Variants in SH3GL2 observed in about 807,000 individuals in gnomAD.
SH3GL2 encodes endophilin-A1.
A neutral mutation model predicts 46.0 loss-of-function variants in SH3GL2; 24 were observed. The observed-to-expected ratio is 0.52, with a 90% CI of 0.38 to 0.73. The LOEUF (loss-of-function observed/expected upper bound fraction) is 0.73, where lower values mean the gene tolerates loss of function less well. Ranked by LOEUF, SH3GL2 falls within the 30% of genes least tolerant of loss-of-function variation. SH3GL2 has a pLI of 0.00. For missense variants in SH3GL2, 413 were observed against 424.2 expected, an observed-to-expected ratio of 0.97 and a Z score of 0.23; for synonymous variants, 196 against 147.1, an observed-to-expected ratio of 1.33 and a Z score of -2.40.
At chr9:17,700,043 T>A (rs552646868) in intron 1 of SH3GL2, among the ~76,000 whole-genome samples, 1 of 144,952 alleles carries the variant, frequency 6.9e-6, no homozygotes, top group East Asian at 2.4e-4. Context: ...TTGCTGATGA[T>A]CTCTGTGCAA....
intron 1 of SH3GL2, among the ~76,000 whole-genome samples, chr9:17,735,223 G>T (rs895859586): frequency 1.2e-4 from 18 of 152,102 alleles, no homozygotes; most frequent in Admixed American, 1.2e-3. Flanking sequence ...CTCACTGGCA[G>T]ATGTTGACAT....
At chr9:17,777,033 G>A (rs1420397396) in intron 3 of SH3GL2, among the ~76,000 whole-genome samples, 2 of 152,188 alleles carry the variant, frequency 1.3e-5, no homozygotes, top group African/African-American at 4.8e-5. Flanking sequence ...TGTAGACAGA[G>A]GCAGGGAGAC....
At chr9:17,626,136 A>T (rs1414608728) in intron 1 of SH3GL2, among the ~76,000 whole-genome samples, 1 of 152,188 alleles carries the variant, frequency 6.6e-6, no homozygotes, top group East Asian at 1.9e-4. Context: ...GACACAGCAG[A>T]TGGAGCCTGT....
Position 17,622,986 on chromosome 9 carries a change from G to GTTTCCTTTCCTTTCCTTTCC in SH3GL2, c.45+43737_45+43756dup, listed in dbSNP as rs1210987554. On this transcript the variant is annotated intron_variant, in intron 1 of 8. Coordinates refer to ENST00000380607, the MANE Select transcript of SH3GL2 (RefSeq NM_003026.5). ...CTCCCTTTTCCTTTCGTTTCCTTTC[G>GTTTCCTTTCCTTTCCTTTCC]TTTCCTTTCCTTTCCTTTCCTTTCC... Among the ~76,000 whole-genome samples, 441 of 99,006 alleles carry GTTTCCTTTCCTTTCCTTTCC rather than the reference G, an allele frequency of 4.5e-3. 18 individuals are homozygous for GTTTCCTTTCCTTTCCTTTCC. The highest frequency in any genetic ancestry group is 0.014 in the East Asian group (50 of 3,656). The allele number at this position is 99,006 out of a possible 152,430, so 65.0% of individuals were successfully genotyped here. A position where few individuals can be genotyped will look rare whatever the true frequency, so the allele number is the denominator to read the frequency against.
chr9:17,672,050 A>C (rs940507456), intron 1 of SH3GL2, among the ~76,000 whole-genome samples: 1 of 152,216 alleles, frequency 6.6e-6, no homozygotes, highest in African/African-American at 2.4e-5. Context: ...AGTGTGTTAC[A>C]TGAAACTAAA....
intron 1 of SH3GL2, among the ~76,000 whole-genome samples, chr9:17,673,507 A>G (rs1464177914): frequency 1.3e-5 from 2 of 151,898 alleles, no homozygotes; most frequent in African/African-American, 2.4e-5. Context: ...TCCATCTTCT[A>G]TACGCAACCA....
intron 2 of SH3GL2, among the ~76,000 whole-genome samples, chr9:17,761,164 A>G (rs1011721882): frequency 7.2e-5 from 11 of 152,256 alleles, no homozygotes; most frequent in African/African-American, 2.6e-4. Context: ...TATTCACCTT[A>G]TTTTCACCAG....
At chr9:17,760,774 G>A (rs567508926) in intron 2 of SH3GL2, among the ~76,000 whole-genome samples, 1 of 152,268 alleles carries the variant, frequency 6.6e-6, no homozygotes, top group South Asian at 2.1e-4. Context: ...GAAAGACAGA[G>A]AGCACTGCAG....
At chr9:17,628,565 G>T (rs963451824) in intron 1 of SH3GL2, among the ~76,000 whole-genome samples, 2 of 152,164 alleles carry the variant, frequency 1.3e-5, no homozygotes, top group Non-Finnish European at 2.9e-5. Flanking sequence ...CTTAAGGTAA[G>T]AGAAGTAGAG....
intron 1 of SH3GL2, among the ~76,000 whole-genome samples, chr9:17,588,685 A>G (rs1244679776): frequency 6.6e-6 from 1 of 152,238 alleles, no homozygotes; most frequent in Non-Finnish European, 1.5e-5. Context: ...ATAAGAGCCC[A>G]GTCTAGCCAA....
chr9:17,782,624 C>G (rs550293715), intron 3 of SH3GL2, among the ~76,000 whole-genome samples: 21 of 152,228 alleles, frequency 1.4e-4, no homozygotes, highest in Admixed American at 1.3e-3. Flanking sequence ...CCTATGAGAC[C>G]ACAGAGTGAG....
intron 1 of SH3GL2, among the ~76,000 whole-genome samples, chr9:17,729,178 A>T (rs1392017517): frequency 6.6e-6 from 1 of 152,152 alleles, no homozygotes; most frequent in Admixed American, 6.5e-5. Flanking sequence ...ATGAGCTGGT[A>T]TCTCACTGTG....
At chr9:17,740,471 GTA>G (rs1822493261) in intron 1 of SH3GL2, among the ~76,000 whole-genome samples, 1 of 107,532 alleles carries the variant, frequency 9.3e-6, no homozygotes, top group Non-Finnish European at 1.9e-5. Flanking sequence ...ATCAAGTATT[GTA>G]TTGTATTGTA....
At chr9:17,728,200 C>G (rs1822071986) in intron 1 of SH3GL2, among the ~76,000 whole-genome samples, 1 of 152,128 alleles carries the variant, frequency 6.6e-6, no homozygotes, top group South Asian at 2.1e-4. Flanking sequence ...GAACCTGACT[C>G]TTGTGGTGCT....
intron 3 of SH3GL2, among the ~76,000 whole-genome samples, chr9:17,784,129 T>C (rs1823889931): frequency 6.6e-6 from 1 of 152,166 alleles, no homozygotes; most frequent in South Asian, 2.1e-4. Flanking sequence ...AGTAGGCTTT[T>C]TTTAATCATT....
intron 1 of SH3GL2, among the ~76,000 whole-genome samples, chr9:17,704,599 A>G (rs1449419604): frequency 1.3e-5 from 2 of 152,148 alleles, no homozygotes; most frequent in African/African-American, 2.4e-5. Flanking sequence ...TACCAATGGA[A>G]CAGAATAAAG....
At chr9:17,700,577 T>C (rs1336044187) in intron 1 of SH3GL2, among the ~76,000 whole-genome samples, 1 of 152,220 alleles carries the variant, frequency 6.6e-6, no homozygotes, top group Non-Finnish European at 1.5e-5. Context: ...TCTTTTGTTC[T>C]TTAGCCAGAT....
chr9:17,713,831 C>T (rs895061956), intron 1 of SH3GL2, among the ~76,000 whole-genome samples: 1 of 151,664 alleles, frequency 6.6e-6, no homozygotes, highest in Non-Finnish European at 1.5e-5. Flanking sequence ...TTCATGTACA[C>T]TTCAGAATAA....
At position 17,639,219 on chromosome 9, in the gene SH3GL2, C is replaced by G. The variant is rs1323287684; in HGVS notation, c.45+59932C>G. Among the ~76,000 whole-genome samples, 3 of 152,080 alleles carry G rather than the reference C, an allele frequency of 2.0e-5. No homozygotes were observed. In the East Asian group the frequency reaches 5.8e-4, roughly 29 times the overall value. On this transcript the variant is annotated intron_variant, in intron 1 of 8. Coordinates refer to ENST00000380607, the MANE Select transcript of SH3GL2 (RefSeq NM_003026.5). The stretch of plus-strand genomic sequence containing the variant: ...AAAGAAAAAAGTGGTAAATTTTAAT[C>G]AAAATTTAAAACTTTTGTTCTTTGG...
Sources: gnomAD v4.1 joint callset for allele counts (sites outside exome capture counted in the v4.1 genomes callset) on GRCh38, gnomAD v4.1.1 for gene constraint, MANE v1.5 for transcripts, NCBI Gene and HGNC (gene_info 2026-07-23, HGNC 2026-07-21) for gene names.